Variants in HS6ST3 observed in about 807,000 individuals in gnomAD.
The protein encoded by HS6ST3 is heparan sulfate 6-O-sulfotransferase 3.
A neutral mutation model predicts 36.7 loss-of-function variants in HS6ST3; 12 were observed. That is an observed-to-expected ratio of 0.33 (90% CI 0.21 to 0.53). The LOEUF (loss-of-function observed/expected upper bound fraction) is 0.53. HS6ST3 is among the 20% of genes least tolerant of loss of function. The pLI, the probability that HS6ST3 is intolerant of heterozygous loss-of-function variation, is 0.95. For synonymous variants in HS6ST3, 240 were observed against 257.5 expected (o/e 0.93, Z 0.65); for missense variants, 584 against 640.9 (o/e 0.91, Z 0.96).
chr13:96,685,427 C>A (rs1482411536), intron 1 of HS6ST3, among the ~76,000 whole-genome samples: 1 of 151,954 alleles, frequency 6.6e-6, no homozygotes, highest in African/African-American at 2.4e-5. Context: ...TTGCTTTATT[C>A]AAGTTTATAT....
intron 1 of HS6ST3, among the ~76,000 whole-genome samples, chr13:96,584,616 TC>T (rs1487337767): frequency 3.3e-5 from 5 of 152,232 alleles, no homozygotes; most frequent in Non-Finnish European, 7.3e-5. Flanking sequence ...AGCTAACATG[TC>T]CCAGGTACTG....
intron 1 of HS6ST3, among the ~76,000 whole-genome samples, chr13:96,800,003 T>TATAC (rs1878027062): frequency 8.2e-6 from 1 of 121,796 alleles, no homozygotes; most frequent in Non-Finnish European, 1.7e-5. Flanking sequence ...TATATGTATA[T>TATAC]ATATATATAT....
intron 1 of HS6ST3, among the ~76,000 whole-genome samples, chr13:96,414,392 G>A (rs981487073): frequency 5.3e-5 from 8 of 152,170 alleles, no homozygotes; most frequent in African/African-American, 1.9e-4. Context: ...TGCAAAATAT[G>A]AGGTCCAAAG....
intron 1 of HS6ST3, among the ~76,000 whole-genome samples, chr13:96,668,926 G>A (rs987113444): frequency 6.6e-6 from 1 of 151,840 alleles, no homozygotes; most frequent in Admixed American, 6.6e-5. Context: ...AGGATAAAGC[G>A]ATAAACATGC....
At chr13:96,315,742 T>C (rs2054965760) in intron 1 of HS6ST3, among the ~76,000 whole-genome samples, 1 of 152,182 alleles carries the variant, frequency 6.6e-6, no homozygotes, top group Non-Finnish European at 1.5e-5. Flanking sequence ...TTCACAGACT[T>C]TATATCTTTA....
chr13:96,712,650 T>C (rs972674355), intron 1 of HS6ST3, among the ~76,000 whole-genome samples: 4 of 152,152 alleles, frequency 2.6e-5, no homozygotes, highest in Admixed American at 2.0e-4. Context: ...TCAAGGTGAC[T>C]CAATTTCATA....
chr13:96,594,606 G>T (rs148159121), intron 1 of HS6ST3, among the ~76,000 whole-genome samples: 1 of 152,142 alleles, frequency 6.6e-6, no homozygotes, highest in African/African-American at 2.4e-5. Flanking sequence ...CATAAGATAT[G>T]CTTTTACACC....
chr13:96,222,949 T>C (rs943098401), intron 1 of HS6ST3, among the ~76,000 whole-genome samples: 1 of 152,164 alleles, frequency 6.6e-6, no homozygotes, highest in Non-Finnish European at 1.5e-5. Context: ...GTAAAAGGTG[T>C]CAAGTTAGGA....
chr13:96,627,387 G>A lies in HS6ST3; in HGVS notation c.708-205103G>A, dbSNP rs374264861. On this transcript the variant is annotated intron_variant, in intron 1 of 1. Transcript: ENST00000376705. ...AATGAAGACAACTTGGCTATGTTGAGCGTCTTTTTAATACCATGATAGATT... is the reference window on the plus strand; with the variant it reads ...AATGAAGACAACTTGGCTATGTTGAACGTCTTTTTAATACCATGATAGATT... 3.4e-4 allele frequency among the ~76,000 whole-genome samples: 51 copies of A among 152,074 alleles called. 1 individual carries two copies. The South Asian group carries it at 0.01, about 30-fold the overall frequency.
chr13:96,643,509 T>A (rs1461630505), intron 1 of HS6ST3, among the ~76,000 whole-genome samples: 1 of 151,928 alleles, frequency 6.6e-6, no homozygotes, highest in East Asian at 1.9e-4. Flanking sequence ...TTGTGTCAAC[T>A]GTTATCCACT....
intron 1 of HS6ST3, among the ~76,000 whole-genome samples, chr13:96,236,572 C>T (rs1044769707): frequency 6.6e-6 from 1 of 152,210 alleles, no homozygotes; most frequent in East Asian, 1.9e-4. Context: ...TACCTTTCTT[C>T]TTCTGTTATT....
At chr13:96,741,978 G>A (rs959349702) in intron 1 of HS6ST3, among the ~76,000 whole-genome samples, 1 of 152,058 alleles carries the variant, frequency 6.6e-6, no homozygotes, top group Non-Finnish European at 1.5e-5. Context: ...GGTTTCCCAA[G>A]GTTAACAAAA....
intron 1 of HS6ST3, among the ~76,000 whole-genome samples, chr13:96,123,013 T>G (rs1352958166): frequency 6.6e-6 from 1 of 152,166 alleles, no homozygotes; most frequent in Non-Finnish European, 1.5e-5. Context: ...ACTGGCATAG[T>G]TTTACCCTAG....
At chr13:96,113,664 A>G (rs2053880835) in intron 1 of HS6ST3, among the ~76,000 whole-genome samples, 1 of 152,210 alleles carries the variant, frequency 6.6e-6, no homozygotes. Flanking sequence ...GTTCATTTGT[A>G]AATTTGGAAC....
intron 1 of HS6ST3, among the ~76,000 whole-genome samples, chr13:96,738,632 G>T (rs199619926): frequency 7.7e-6 from 1 of 129,236 alleles, no homozygotes; most frequent in African/African-American, 2.8e-5. Flanking sequence ...TGTGTCTTGT[G>T]GTCATTGAGA....
intron 1 of HS6ST3, among the ~76,000 whole-genome samples, chr13:96,554,041 G>T (rs968814661): frequency 6.6e-6 from 1 of 152,188 alleles, no homozygotes; most frequent in Non-Finnish European, 1.5e-5. Context: ...GAAGACTGAA[G>T]TACAAATAGA....
intron 1 of HS6ST3, among the ~76,000 whole-genome samples, chr13:96,210,112 C>A (rs545115024): frequency 6.6e-6 from 1 of 152,184 alleles, no homozygotes; most frequent in South Asian, 2.1e-4. Flanking sequence ...TATTTTTTCC[C>A]CCTATGTGTA....
chr13:96,301,500 T>C (rs147161432), intron 1 of HS6ST3, among the ~76,000 whole-genome samples: 98 of 152,298 alleles, frequency 6.4e-4, no homozygotes, highest in African/African-American at 2.2e-3. Context: ...CCTGAGTCTG[T>C]CTCTCTCTAT....
intron 1 of HS6ST3, among the ~76,000 whole-genome samples, chr13:96,337,365 G>A (rs1188187318): frequency 1.3e-5 from 2 of 152,174 alleles, no homozygotes; most frequent in Non-Finnish European, 2.9e-5. Context: ...GTGAGCCACC[G>A]CGCCCAGCCA....
Sources: gnomAD v4.1 joint callset for allele counts (sites outside exome capture counted in the v4.1 genomes callset) on GRCh38, gnomAD v4.1.1 for gene constraint, MANE v1.5 for transcripts, NCBI Gene and HGNC (gene_info 2026-07-23, HGNC 2026-07-21) for gene names.